Variants in CACNA2D2 observed in about 807,000 individuals in gnomAD.
CACNA2D2 encodes calcium voltage-gated channel auxiliary subunit alpha2delta 2, also known as voltage-dependent calcium channel subunit alpha-2/delta-2.
In CACNA2D2, 48 loss-of-function variants were observed where a neutral mutation model predicts 166.4. That is an observed-to-expected ratio of 0.29 (90% CI 0.23 to 0.37). The LOEUF (loss-of-function observed/expected upper bound fraction) is 0.37, where lower values mean the gene tolerates loss of function less well. Ranked by LOEUF, CACNA2D2 falls within the 10% of genes least tolerant of loss-of-function variation. The pLI is 1.00. For missense variants in CACNA2D2, 1,122 were observed against 1,433.0 expected (o/e 0.78, Z 3.50); for synonymous variants, 561 against 573.7 (o/e 0.98, Z 0.32).
chr3:50,459,610 C>A (rs1321043988), intron 2 of CACNA2D2, among the ~76,000 whole-genome samples: 1 of 152,162 alleles, frequency 6.6e-6, no homozygotes, highest in Non-Finnish European at 1.5e-5. Context: ...CCTGAGGCCT[C>A]CAGCACCTGG....
Position 50,388,239 on chromosome 3 carries a change from C to A in CACNA2D2, c.466-627G>T, listed in dbSNP as rs371420054. ...TTGGCCATCTGTGCGTCATAATCAC[C>A]GGCCGCCCCGGGGACCCGTAACACA... On this transcript the variant is annotated intron_variant, in intron 4 of 37. Coordinates refer to ENST00000424201, the MANE Select transcript of CACNA2D2 (RefSeq NM_006030.4). Among the ~76,000 whole-genome samples, 235 of 152,284 alleles carry A rather than the reference C, an allele frequency of 1.5e-3. 2 individuals carry two copies. Among genetic ancestry groups the A allele is most frequent in the Middle Eastern group, 6.8e-3 (2 of 294 alleles).
At chr3:50,491,944 A>G (rs1156895625) in intron 1 of CACNA2D2, among the ~76,000 whole-genome samples, 1 of 152,192 alleles carries the variant, frequency 6.6e-6, no homozygotes, top group African/African-American at 2.4e-5. Flanking sequence ...GGTGCAGGGA[A>G]CAGAGCCAGA....
chr3:50,370,276 TC>T (rs1161485037), intron 23 of CACNA2D2, 43 bp downstream of exon 23: 5 of 1,459,768 alleles, frequency 3.4e-6, no homozygotes, highest in Non-Finnish European at 4.7e-6. Context: ...GCCGGGGCGG[TC>T]AGGGTAGGGG....
chr3:50,443,965 A>G (rs1378183491), intron 2 of CACNA2D2, among the ~76,000 whole-genome samples: 1 of 152,154 alleles, frequency 6.6e-6, no homozygotes, highest in African/African-American at 2.4e-5. Context: ...TGAAACAGTC[A>G]TTGTGGCCCA....
chr3:50,467,417 C>A (rs1356195155), intron 2 of CACNA2D2, among the ~76,000 whole-genome samples: 1 of 152,216 alleles, frequency 6.6e-6, no homozygotes, highest in Non-Finnish European at 1.5e-5. Flanking sequence ...TCGAATGGGA[C>A]AGAGTCAGAG....
intron 3 of CACNA2D2, among the ~76,000 whole-genome samples, chr3:50,400,581 G>A (rs1158575475): frequency 1.2e-4 from 18 of 152,270 alleles, no homozygotes; most frequent in Non-Finnish European, 2.6e-4. Context: ...GGGTTCTGAG[G>A]GATGAAGAGA....
At position 50,366,086 on chromosome 3, in the gene CACNA2D2, C is replaced by G. The variant is rs776206879; in HGVS notation, c.2787G>C (p.Glu929Asp). The G allele has an allele frequency of 1.2e-6, 2 of 1,613,824 alleles. No individual in the cohort carries two copies. The highest frequency in any genetic ancestry group is 1.1e-5 in the South Asian group (1 of 91,094). Residue 929 changes from glutamate to aspartate, a missense_variant, in exon 32 of 38, where the codon GAG becomes GAC. By Grantham distance (45) the Glu-to-Asp change is conservative. Around this residue, in one of 2 missense-constraint regions of CACNA2D2, gnomAD observed 840 missense variants for 1,166.8 expected, o/e 0.72. Coordinates refer to ENST00000424201, the MANE Select transcript of CACNA2D2 (RefSeq NM_006030.4). This position sits in a 1 kb window ranked among gnomAD's most constrained non-coding sequence, Gnocchi z 5.9. ...CACAGGCTGCCTGATAGTCATAGGACTCCTTGCGGGTGTAGAAGGAGTTAT... is the reference window on the plus strand; with the variant it reads ...CACAGGCTGCCTGATAGTCATAGGAGTCCTTGCGGGTGTAGAAGGAGTTAT... Reference protein sequence around the residue: ...LYNNSFYTRKESYDYQAACAP... With the variant: ...LYNNSFYTRKDSYDYQAACAP...
chr3:50,465,166 G>A (rs1709774035), intron 2 of CACNA2D2, among the ~76,000 whole-genome samples: 2 of 152,260 alleles, frequency 1.3e-5, no homozygotes, highest in Non-Finnish European at 2.9e-5. Context: ...GCAGCTGCCC[G>A]GGAGGTGGCC....
At position 50,365,617 on chromosome 3, in the gene CACNA2D2, C is replaced by G; in HGVS notation, c.2971+16G>C. On this transcript the variant is annotated intron_variant, in intron 34 of 37. Coordinates refer to ENST00000424201, the MANE Select transcript of CACNA2D2 (RefSeq NM_006030.4). This position sits in a 1 kb window ranked among gnomAD's most constrained non-coding sequence, Gnocchi z 4.5. ...GGGACCCGGACTTGAGGAGGCGCCT[C>G]CAAAGCCCTACCTACCTGCTTGGAA... 1 of 1,573,408 alleles carries G rather than the reference C, an allele frequency of 6.4e-7. No homozygotes were observed.
intron 1 of CACNA2D2, among the ~76,000 whole-genome samples, chr3:50,484,399 T>C (rs1054584891): frequency 6.6e-6 from 1 of 152,274 alleles, no homozygotes; most frequent in South Asian, 2.1e-4. Flanking sequence ...CCTGCTGTCA[T>C]GTCCCTCCTC....
At position 50,375,690 on chromosome 3, in the gene CACNA2D2, C is replaced by T; in HGVS notation, c.1861G>A (p.Val621Met). ...GGCACCCAGGTGTAGTTCCGTGTCA[C>T]CTCATCTATGTACCTCTGGGAGAGG... is the stretch of plus-strand genomic sequence containing the variant. ...KSLDERYIDE[V>M]TRNYTWVPIR... Residue 621 changes from valine to methionine, a missense_variant, in exon 21 of 38, where the codon GTG becomes ATG. This residue lies in a region of CACNA2D2 where 840 missense variants were observed against 1,166.8 expected (regional missense o/e 0.72). Transcript: ENST00000424201. This position sits in a 1 kb window ranked among gnomAD's most constrained non-coding sequence, Gnocchi z 4.0. 6.2e-7 allele frequency: 1 copy of T among 1,613,212 alleles called. No homozygotes were observed. The highest frequency in any genetic ancestry group is 8.5e-7 in the Non-Finnish European group (1 of 1,179,882).
rs1164823111 is a variant in CACNA2D2 at position 50,366,049 on chromosome 3, G to A, written c.2824C>T (p.Pro942Ser). The change falls in exon 32 of 38, where the codon CCT (proline) becomes TCT (serine). Residue 942 changes from proline (P) to serine (S), a missense_variant. Transcript: ENST00000424201. The surrounding 1 kb of genome is among the most constrained non-coding windows in gnomAD (Gnocchi z 5.9). ...DYQAACAPQP[P>S]GNLGAAPRGV... ...CGGGGTGCAGCACCCAGGTTGCCAG[G>A]GGGCTGAGGGGCACAGGCTGCCTGA... is the stretch of plus-strand genomic sequence containing the variant. The A allele has an allele frequency of 1.2e-6, 2 of 1,613,368 alleles. No individual in the cohort carries two copies. The highest frequency in any genetic ancestry group is 1.3e-5 in the African/African-American group (1 of 74,892).
intron 2 of CACNA2D2, among the ~76,000 whole-genome samples, chr3:50,440,553 C>A (rs749073223): frequency 6.6e-6 from 1 of 152,214 alleles, no homozygotes; most frequent in Admixed American, 6.5e-5. Context: ...CTGGGATGAA[C>A]GCTCTCTTTA....
intron 17 of CACNA2D2, 46 bp downstream of exon 17, chr3:50,377,421 G>T: frequency 1.3e-6 from 2 of 1,481,964 alleles, no homozygotes; most frequent in Non-Finnish European, 1.9e-6. Flanking sequence ...GCCTGCCTGT[G>T]TCCACATGGG....
intron 6 of CACNA2D2, among the ~76,000 whole-genome samples, chr3:50,382,105 C>A (rs1339735392): frequency 6.6e-6 from 1 of 152,058 alleles, no homozygotes; most frequent in Non-Finnish European, 1.5e-5. Context: ...TGAGCAGTAC[C>A]CTCGACCCCC....
chr3:50,380,994 C>A lies in CACNA2D2; in HGVS notation c.784+1G>T. 6.2e-7 allele frequency: 1 copy of A among 1,613,706 alleles called. No homozygotes were observed. Among genetic ancestry groups the A allele is most frequent in the Non-Finnish European group, 8.5e-7 (1 of 1,179,718 alleles). On this transcript the variant is annotated splice_donor_variant, in intron 7 of 37. Coordinates refer to ENST00000424201, the MANE Select transcript of CACNA2D2 (RefSeq NM_006030.4). LOFTEE classifies it high-confidence loss of function. The surrounding 1 kb of genome is among the most constrained non-coding windows in gnomAD (Gnocchi z 4.9). The stretch of plus-strand genomic sequence containing the variant: ...GACAGGGGACAGGGGCTGGTACCTA[C>A]CCGGGTAGTAGCGAGTGACTCCTGT...
chr3:50,489,309 A>G (rs1339163748), intron 1 of CACNA2D2, among the ~76,000 whole-genome samples: 1 of 152,136 alleles, frequency 6.6e-6, no homozygotes, highest in Non-Finnish European at 1.5e-5. Context: ...TCTTCATTGT[A>G]GAGTAATGGC....
At chr3:50,443,270 G>C (rs1350186848) in intron 2 of CACNA2D2, among the ~76,000 whole-genome samples, 1 of 152,208 alleles carries the variant, frequency 6.6e-6, no homozygotes, top group Non-Finnish European at 1.5e-5. Flanking sequence ...CACCCACCCT[G>C]GCTCTGCTCT....
chr3:50,402,625 C>T (rs1166195925), intron 3 of CACNA2D2, among the ~76,000 whole-genome samples: 1 of 152,236 alleles, frequency 6.6e-6, no homozygotes, highest in Non-Finnish European at 1.5e-5. Flanking sequence ...TGCTGGGGCT[C>T]TTTCCAAGAT....
Sources: gnomAD v4.1 joint callset for allele counts (sites outside exome capture counted in the v4.1 genomes callset) on GRCh38, gnomAD v4.1.1 for gene constraint, gnomAD v4.1.1 regional missense constraint, Gnocchi (gnomAD v3.1) non-coding constraint, MANE v1.5 for transcripts, NCBI Gene and HGNC (gene_info 2026-07-23, HGNC 2026-07-21) for gene names.